Variants in MALSU1 observed in about 807,000 individuals in gnomAD.
MALSU1 encodes the protein mitochondrial assembly of ribosomal large subunit 1.
MALSU1 carries 22 observed loss-of-function variants against 22.1 expected under a neutral mutation model. The ratio of observed to expected loss-of-function variants is 1.00; its 90% confidence interval spans 0.71 to 1.42. MALSU1 has a LOEUF of 1.42. MALSU1 is among the 40% of genes most tolerant of loss of function. The pLI, the probability that MALSU1 is intolerant of heterozygous loss-of-function variation, is 0.00. For missense variants in MALSU1, 379 were observed against 308.3 expected (o/e 1.23, Z -1.72); for synonymous variants, 153 against 118.5 (o/e 1.29, Z -1.89).
rs140925649 is a variant in MALSU1, at chr7:23,299,644, C to T, written c.256+36C>T. 346 of 1,538,572 alleles carry T rather than the reference C, an allele frequency of 2.2e-4. No individual in the cohort carries two copies. The East Asian group carries it at 5.5e-3, about 25-fold the overall frequency. On this transcript the variant is annotated intron_variant, in intron 1 of 3. Coordinates refer to ENST00000466681, the MANE Select transcript of MALSU1 (RefSeq NM_138446.2). ...GGAGAAGAACGAAGGCGACCCTCTC[C>T]GGGCAGTCTGGAGTCAGGTCCCAGC...
At chr7:23,301,197 A>G in intron 2 of MALSU1, 180 bp downstream of exon 2, 1 of 565,614 alleles carries the variant, frequency 1.8e-6, no homozygotes, top group Non-Finnish European at 3.1e-6. Context: ...ATGGGAGCAA[A>G]TATCCAGCCC....
At chr7:23,307,678 G>T in intron 2 of MALSU1, 190 bp from the exon 3 acceptor site, 1 of 522,544 alleles carries the variant, frequency 1.9e-6, no homozygotes, top group Non-Finnish European at 3.4e-6. Flanking sequence ...CAGGAGAGAG[G>T]TGAAAGTGAA....
chr7:23,300,794 A>G (rs200000056), intron 1 of MALSU1, 45 bp from the exon 2 acceptor site: 122 of 1,548,298 alleles, frequency 7.9e-5, no homozygotes, highest in Admixed American at 3.6e-4. Context: ...ATACACGTCT[A>G]TCTGCTTGGC....
At chr7:23,305,034 A>G (rs1214582727) in intron 2 of MALSU1, among the ~76,000 whole-genome samples, 10 of 152,130 alleles carry the variant, frequency 6.6e-5, no homozygotes, top group African/African-American at 2.2e-4. Context: ...ATTTTCTTCT[A>G]AGAGTTTTAT....
rs766127954 is a variant in MALSU1, at chr7:23,300,822, CTATT to C, written c.257-15_257-12del. ...TGCTTGGCCATCCTGATACAAACAA[CTATT>C]TGTGCATTTCAGATCATACTGGTCC... is the stretch of plus-strand genomic sequence containing the variant. On this transcript the variant is annotated splice_polypyrimidine_tract_variant and intron_variant, in intron 1 of 3. Coordinates refer to ENST00000466681, the MANE Select transcript of MALSU1 (RefSeq NM_138446.2). 1 of 1,607,766 alleles carries C rather than the reference CTATT, an allele frequency of 6.2e-7. No homozygotes were observed. Among genetic ancestry groups the C allele is most frequent in the African/African-American group, 1.3e-5 (1 of 74,760 alleles).
intron 2 of MALSU1, among the ~76,000 whole-genome samples, chr7:23,307,193 A>G (rs1783733344): frequency 6.6e-6 from 1 of 152,162 alleles, no homozygotes; most frequent in African/African-American, 2.4e-5. Context: ...TAAAATCAGT[A>G]GTGTCACTTC....
chr7:23,301,636 C>T lies in MALSU1; in HGVS notation c.435+619C>T, dbSNP rs62468192. The stretch of plus-strand genomic sequence containing the variant: ...GGATTTCTAGAGGCACTATCCATTA[C>T]GGTAGCCACTAGCTACATGTGCCTA... On this transcript the variant is annotated intron_variant, in intron 2 of 3. Coordinates refer to ENST00000466681, the MANE Select transcript of MALSU1 (RefSeq NM_138446.2). Among the ~76,000 whole-genome samples the T allele has an allele frequency of 1.2e-3, 188 of 152,292 alleles. 1 individual carries two copies. Among genetic ancestry groups the T allele is most frequent in the Non-Finnish European group, 2.1e-3 (142 of 68,016 alleles).
chr7:23,307,111 T>C (rs536634836), intron 2 of MALSU1, among the ~76,000 whole-genome samples: 3 of 152,350 alleles, frequency 2.0e-5, no homozygotes, highest in Admixed American at 1.3e-4. Flanking sequence ...TCTAGAAATT[T>C]TGCTATTTCG....
chr7:23,299,456 G>T lies in MALSU1; in HGVS notation c.104G>T (p.Arg35Leu). ...GCGGTTGGAGCCGAGCCCGGGCTTC[G>T]GCTGCTGGCCGTGCAGCGGCTTCCC... ...GSAVGAEPGL[R>L]LLAVQRLPVG... The change falls in exon 1 of 4, where the codon CGG (arginine) becomes CTG (leucine). Residue 35 changes from arginine to leucine, a missense_variant. Arg to Leu is a moderately radical substitution (Grantham distance 102, BLOSUM62 -2). Coordinates refer to ENST00000466681, the MANE Select transcript of MALSU1 (RefSeq NM_138446.2). The T allele has an allele frequency of 3.1e-6, 5 of 1,607,924 alleles. No homozygotes were observed. Among genetic ancestry groups the T allele is most frequent in the Non-Finnish European group, 3.4e-6 (4 of 1,179,342 alleles).
At position 23,299,409 on chromosome 7, in the gene MALSU1, G is replaced by A. The variant is rs759583526; in HGVS notation, c.57G>A (p.Ala19=). Residue 19 remains alanine, a synonymous_variant, in exon 1 of 4, where the codon GCG becomes GCA. Transcript: ENST00000466681. ...RLLAPLMWRR[A]VSSVAGSAVG... Reference sequence around the variant, plus strand: ...TCGCCCCACTAATGTGGCGCAGGGCGGTTTCCTCGGTGGCGGGGTCCGCGG... The same window carrying A: ...TCGCCCCACTAATGTGGCGCAGGGCAGTTTCCTCGGTGGCGGGGTCCGCGG... The A allele has an allele frequency of 3.7e-6, 6 of 1,600,530 alleles. No individual in the cohort carries two copies. Among genetic ancestry groups the A allele is most frequent in the Non-Finnish European group, 5.1e-6 (6 of 1,177,970 alleles).
At chr7:23,300,262 T>A (rs1231868313) in intron 1 of MALSU1, among the ~76,000 whole-genome samples, 2 of 152,148 alleles carry the variant, frequency 1.3e-5, no homozygotes, top group African/African-American at 4.8e-5. Context: ...AACCCGGTGG[T>A]TTTATATGAA....
At position 23,299,543 on chromosome 7, in the gene MALSU1, A is replaced by T. The variant is rs1396190694; in HGVS notation, c.191A>T (p.Glu64Val). 1 of 1,612,128 alleles carries T rather than the reference A, an allele frequency of 6.2e-7. No homozygotes were observed. ...AACTTTGTCCGCGGCCTGCACAGCG[A>T]GCCTGGGCTGGAGGAGCGGGCGGAG... is the stretch of plus-strand genomic sequence containing the variant. ...TPNFVRGLHS[E>V]PGLEERAEGT... The change falls in exon 1 of 4, where the codon GAG (glutamate) becomes GTG (valine). Residue 64 changes from glutamate to valine, a missense_variant. By Grantham distance (121) the Glu-to-Val change is moderately radical (BLOSUM62 -2). Transcript: ENST00000466681.
intron 2 of MALSU1, chr7:23,307,624 A>C (rs1004840363): frequency 1.0e-5 from 4 of 391,302 alleles, no homozygotes; most frequent in African/African-American, 8.4e-5. Context: ...CACCTTGGTG[A>C]ATGAATGGGG....
At position 23,299,547 on chromosome 7, in the gene MALSU1, T is replaced by C; in HGVS notation, c.195T>C (p.Pro65=). 2.5e-6 allele frequency: 4 copies of C among 1,611,798 alleles called. No homozygotes were observed. Among genetic ancestry groups the C allele is most frequent in the Middle Eastern group, 1.7e-4 (1 of 6,058 alleles). The change falls in exon 1 of 4, where the codon CCT becomes CCC. Residue 65 remains proline (P), a synonymous_variant. Transcript: ENST00000466681. ...PNFVRGLHSE[P]GLEERAEGTV... ...TTGTCCGCGGCCTGCACAGCGAGCCTGGGCTGGAGGAGCGGGCGGAGGGGA... is the reference window on the plus strand; with the variant it reads ...TTGTCCGCGGCCTGCACAGCGAGCCCGGGCTGGAGGAGCGGGCGGAGGGGA...
At position 23,299,571 on chromosome 7, in the gene MALSU1, G is replaced by C; in HGVS notation, c.219G>C (p.Gly73=). 1 of 1,604,510 alleles carries C rather than the reference G, an allele frequency of 6.2e-7. No homozygotes were observed. The highest frequency in any genetic ancestry group is 1.1e-5 in the South Asian group (1 of 89,600). ...CTGGGCTGGAGGAGCGGGCGGAGGG[G>C]ACGGTCAACGAGGGACGCCCAGAAT... ...SEPGLEERAE[G]TVNEGRPESD... is the part of the protein sequence containing the mutation. The change falls in exon 1 of 4, where the codon GGG becomes GGC. Residue 73 remains glycine (G), a synonymous_variant. Coordinates refer to ENST00000466681, the MANE Select transcript of MALSU1 (RefSeq NM_138446.2).
intron 2 of MALSU1, among the ~76,000 whole-genome samples, chr7:23,301,811 AT>A (rs767496237): frequency 5.3e-5 from 8 of 152,138 alleles, no homozygotes; most frequent in Non-Finnish European, 8.8e-5. Flanking sequence ...TTTACTAAAA[AT>A]ACAAAAATTA....
intron 1 of MALSU1, among the ~76,000 whole-genome samples, chr7:23,300,482 C>T (rs1436521987): frequency 6.6e-6 from 1 of 152,134 alleles, no homozygotes; most frequent in Non-Finnish European, 1.5e-5. Flanking sequence ...TCACCTCCTA[C>T]CCATTTTGTG....
chr7:23,307,826 C>G (rs770259928), intron 2 of MALSU1, 42 bp from the exon 3 acceptor site: 1 of 1,319,156 alleles, frequency 7.6e-7, no homozygotes, highest in Non-Finnish European at 1.1e-6. Context: ...ACAGGCTTCC[C>G]CCATCCCCTC....
chr7:23,302,894 A>G (rs566314746), intron 2 of MALSU1, among the ~76,000 whole-genome samples: 1 of 152,294 alleles, frequency 6.6e-6, no homozygotes, highest in Non-Finnish European at 1.5e-5. Flanking sequence ...CTCCGGCCTA[A>G]GCCTCCTGAG....
Sources: allele counts gnomAD v4.1 joint callset (sites outside exome capture counted in the v4.1 genomes callset), GRCh38; gene constraint gnomAD v4.1.1; transcripts MANE v1.5; gene names NCBI Gene and HGNC (gene_info 2026-07-23, HGNC 2026-07-21).